Variants in DPP10 observed in about 807,000 individuals in gnomAD.
DPP10 encodes the protein inactive dipeptidyl peptidase 10.
DPP10 carries 33 observed loss-of-function variants against 120.9 expected under a neutral mutation model. The ratio of observed to expected loss-of-function variants is 0.27; its 90% CI spans 0.21 to 0.37. The LOEUF is 0.37. Among genes scored for constraint, DPP10 ranks in the 10% least tolerant of loss-of-function variants. The pLI is 1.00. For missense variants in DPP10, 816 were observed against 942.8 expected (o/e 0.87, Z 1.76); for synonymous variants, 337 against 326.1 (o/e 1.03, Z -0.36).
At chr2:115,064,216 C>T (rs1706656196) in intron 1 of DPP10, among the ~76,000 whole-genome samples, 2 of 151,846 alleles carry the variant, frequency 1.3e-5, no homozygotes, top group African/African-American at 4.8e-5. Context: ...TTTATTATGC[C>T]TACAAACATA....
At chr2:114,812,909 T>C (rs1183215886) in intron 1 of DPP10, among the ~76,000 whole-genome samples, 2 of 152,182 alleles carry the variant, frequency 1.3e-5, no homozygotes, top group Non-Finnish European at 2.9e-5. Context: ...GCTTGGCTAA[T>C]GCCCAAGGAT....
intron 3 of DPP10, among the ~76,000 whole-genome samples, chr2:115,407,482 G>A (rs1449940735): frequency 6.6e-6 from 1 of 152,158 alleles, no homozygotes; most frequent in Non-Finnish European, 1.5e-5. Flanking sequence ...AAGCGTTCCT[G>A]GCAAAAGGGG....
At chr2:115,244,242 AGAGAG>A in intron 1 of DPP10, among the ~76,000 whole-genome samples, 1 of 10,360 alleles carries the variant, frequency 9.7e-5, no homozygotes, top group East Asian at 2.7e-3. Flanking sequence ...ATATATATAG[AGAGAG>A]AGAGAGAGAG....
At chr2:115,251,969 CCAGA>C (rs2058772391) in intron 1 of DPP10, among the ~76,000 whole-genome samples, 1 of 152,192 alleles carries the variant, frequency 6.6e-6, no homozygotes, top group Non-Finnish European at 1.5e-5. Flanking sequence ...AAAATTGCTA[CCAGA>C]CAATCTCTCT....
chr2:114,502,363 A>G (rs1161448268), intron 1 of DPP10, among the ~76,000 whole-genome samples: 1 of 152,202 alleles, frequency 6.6e-6, no homozygotes, highest in African/African-American at 2.4e-5. Context: ...TTTAAACTGG[A>G]TTGCTACTTA....
At chr2:115,384,511 GA>G (rs2066722736) in intron 3 of DPP10, among the ~76,000 whole-genome samples, 1 of 146,740 alleles carries the variant, frequency 6.8e-6, no homozygotes, top group African/African-American at 2.6e-5. Context: ...AGAAGAAGAA[GA>G]AGGAAGAAGA....
intron 1 of DPP10, among the ~76,000 whole-genome samples, chr2:115,154,113 T>C (rs374804733): frequency 9.9e-5 from 15 of 152,196 alleles, no homozygotes; most frequent in Admixed American, 2.6e-4. Context: ...GCAGTATATA[T>C]AGTCTAGAGG....
chr2:114,737,074 T>A (rs1677513650), intron 1 of DPP10, among the ~76,000 whole-genome samples: 1 of 152,234 alleles, frequency 6.6e-6, no homozygotes, highest in African/African-American at 2.4e-5. Flanking sequence ...AGGAAATGCT[T>A]ATGATCTTTA....
At chr2:114,965,219 C>G (rs1242509335) in intron 1 of DPP10, among the ~76,000 whole-genome samples, 1 of 152,060 alleles carries the variant, frequency 6.6e-6, no homozygotes, top group African/African-American at 2.4e-5. Context: ...TCACTGCAAC[C>G]TCTGCCTCCC....
intron 11 of DPP10, among the ~76,000 whole-genome samples, chr2:115,760,391 A>T (rs1253806705): frequency 1.3e-5 from 2 of 152,214 alleles, no homozygotes; most frequent in Admixed American, 1.3e-4. Flanking sequence ...TCTATGGGGA[A>T]AAAGATCAGA....
In DPP10 at chr2:115,761,815, G is replaced by A. The variant is rs138162724; in HGVS notation, c.1075-757G>A. Reference sequence around the variant, plus strand: ...ATTTATTATTAACAATTTGAGATGGGTACCTCTGCATATAGGAAAGCCCCT... The same window carrying A: ...ATTTATTATTAACAATTTGAGATGGATACCTCTGCATATAGGAAAGCCCCT... On this transcript the variant is annotated intron_variant, in intron 11 of 25. Coordinates refer to ENST00000410059, the MANE Select transcript of DPP10 (RefSeq NM_020868.6). 4.5e-3 allele frequency among the ~76,000 whole-genome samples: 691 copies of A among 151,990 alleles called. 10 individuals are homozygous for A. Among genetic ancestry groups the A allele is most frequent in the African/African-American group, 0.016 (668 of 41,492 alleles).
chr2:115,222,282 G>T (rs2057211971), intron 1 of DPP10, among the ~76,000 whole-genome samples: 2 of 152,170 alleles, frequency 1.3e-5, no homozygotes, highest in South Asian at 4.1e-4. Context: ...GGCATCTCTA[G>T]CTCAATCAGT....
At chr2:115,699,036 C>CAAAAAAAAAAAAAAAAAAAAAAA (rs1191197397) in intron 7 of DPP10, among the ~76,000 whole-genome samples, 3 of 50,806 alleles carry the variant, frequency 5.9e-5, no homozygotes, top group South Asian at 8.8e-4. Context: ...AAAAAAAAAA[C>CAAAAAAAAAAAAAAAAAAAAAAA]AAAAAAAAAA....
At chr2:115,758,420 A>G (rs187720027) in intron 11 of DPP10, among the ~76,000 whole-genome samples, 9 of 152,284 alleles carry the variant, frequency 5.9e-5, no homozygotes, top group Admixed American at 5.9e-4. Flanking sequence ...CCCAATACTG[A>G]ATACTACAAC....
rs143233957 is a variant in DPP10 at position 114,651,636 on chromosome 2, G to A, written c.60+208798G>A. On this transcript the variant is annotated intron_variant, in intron 1 of 25. Coordinates refer to ENST00000410059, the MANE Select transcript of DPP10 (RefSeq NM_020868.6). ...TTGCATGTTAAAATCTCCTAGAAAC[G>A]GTTAATTAAGATTTTTTTTTTAAAG... Among the ~76,000 whole-genome samples, 85 of 152,146 alleles carry A rather than the reference G, an allele frequency of 5.6e-4. 1 individual carries two copies. The highest frequency in any genetic ancestry group is 1.6e-3 in the African/African-American group (68 of 41,502).
At chr2:114,645,420 A>T (rs1360934585) in intron 1 of DPP10, among the ~76,000 whole-genome samples, 1 of 152,120 alleles carries the variant, frequency 6.6e-6, no homozygotes, top group Admixed American at 6.6e-5. Context: ...TCTGTCTTGG[A>T]ATTTCTCTCA....
At chr2:115,448,526 A>C (rs2072825545) in intron 3 of DPP10, among the ~76,000 whole-genome samples, 1 of 152,302 alleles carries the variant, frequency 6.6e-6, no homozygotes, top group East Asian at 1.9e-4. Flanking sequence ...AATCCTGATC[A>C]TAAGGAAAAT....
intron 2 of DPP10, among the ~76,000 whole-genome samples, chr2:115,325,413 A>G (rs2062302306): frequency 6.6e-6 from 1 of 152,188 alleles, no homozygotes; most frequent in South Asian, 2.1e-4. Flanking sequence ...AATAGAAAAG[A>G]AAGTCAACAT....
chr2:115,475,233 C>A (rs1273411701), intron 3 of DPP10, among the ~76,000 whole-genome samples: 1 of 152,188 alleles, frequency 6.6e-6, no homozygotes, highest in African/African-American at 2.4e-5. Context: ...CGGACCTGTG[C>A]AGCCTTGGGA....
Sources: allele counts gnomAD v4.1 joint callset (sites outside exome capture counted in the v4.1 genomes callset), GRCh38; gene constraint gnomAD v4.1.1; transcripts MANE v1.5; gene names NCBI Gene and HGNC (gene_info 2026-07-23, HGNC 2026-07-21).